The following RALGPS1 variants were observed in gnomAD, a reference collection of about 807,000 sequenced individuals.
RALGPS1 encodes ras-specific guanine nucleotide-releasing factor RalGPS1.
RALGPS1 carries 19 observed loss-of-function variants against 78.8 expected under a neutral mutation model. The observed-to-expected ratio is 0.24, with a 90% CI of 0.17 to 0.35. RALGPS1 has a LOEUF of 0.35. Among genes scored for constraint, RALGPS1 ranks in the 10% least tolerant of loss-of-function variants. RALGPS1 has a pLI of 1.00. For missense variants in RALGPS1, 454 were observed against 688.3 expected, an observed-to-expected ratio of 0.66 and a Z score of 3.81; for synonymous variants, 228 against 256.3, an observed-to-expected ratio of 0.89 and a Z score of 1.06.
chr9:127,005,282 A>G (rs2043730681), intron 4 of RALGPS1, among the ~76,000 whole-genome samples: 1 of 152,210 alleles, frequency 6.6e-6, no homozygotes, highest in Non-Finnish European at 1.5e-5. Context: ...TATACTGCAA[A>G]CCCTCTGAGA....
At chr9:127,050,606 G>C (rs1482211298) in intron 6 of RALGPS1, among the ~76,000 whole-genome samples, 1 of 152,150 alleles carries the variant, frequency 6.6e-6, no homozygotes, top group African/African-American at 2.4e-5. Flanking sequence ...GTCTGGGCCA[G>C]ATGACTCTGC....
At chr9:127,106,062 G>C (rs2054188369) in intron 8 of RALGPS1, among the ~76,000 whole-genome samples, 1 of 152,202 alleles carries the variant, frequency 6.6e-6, no homozygotes, top group Non-Finnish European at 1.5e-5. Context: ...GTAGAGCATG[G>C]ATGCAAACCC....
intron 5 of RALGPS1, among the ~76,000 whole-genome samples, chr9:127,039,847 C>G (rs987742364): frequency 6.6e-6 from 1 of 152,052 alleles, no homozygotes; most frequent in Non-Finnish European, 1.5e-5. Context: ...AAAGCTGCTA[C>G]ACAGGAAAGG....
chr9:126,930,594 C>G (rs940006616), intron 1 of RALGPS1, among the ~76,000 whole-genome samples: 11 of 152,062 alleles, frequency 7.2e-5, no homozygotes, highest in African/African-American at 2.7e-4. Context: ...AGGCCTGTGC[C>G]ACCATACCCA....
intron 8 of RALGPS1, among the ~76,000 whole-genome samples, chr9:127,126,585 C>T (rs2056632792): frequency 6.6e-6 from 1 of 152,200 alleles, no homozygotes; most frequent in Admixed American, 6.5e-5. Context: ...ATCACTTCTC[C>T]TTCCTGTCTT....
intron 8 of RALGPS1, among the ~76,000 whole-genome samples, chr9:127,072,320 C>T (rs1338522038): frequency 6.6e-6 from 1 of 152,140 alleles, no homozygotes; most frequent in Non-Finnish European, 1.5e-5. Context: ...TGAAGTGATC[C>T]TCCCGCCTCA....
In RALGPS1 at chr9:127,205,782, G is replaced by A. The variant is rs2061899369; in HGVS notation, c.1248-6349G>A. On this transcript the variant is annotated intron_variant, in intron 14 of 18. Coordinates refer to ENST00000259351, the MANE Select transcript of RALGPS1 (RefSeq NM_014636.3). This position sits in a 1 kb window ranked among gnomAD's most constrained non-coding sequence, Gnocchi z 4.0. Reference sequence around the variant, plus strand: ...CTTGGGATGCCTCCCAGGTTTACATGTGATAGTTTCGCCCAGCCACTGAGC... The same window carrying A: ...CTTGGGATGCCTCCCAGGTTTACATATGATAGTTTCGCCCAGCCACTGAGC... 1.3e-5 allele frequency among the ~76,000 whole-genome samples: 2 copies of A among 152,224 alleles called. No individual in the cohort carries two copies. Among genetic ancestry groups the A allele is most frequent in the South Asian group, 4.1e-4 (2 of 4,836 alleles).
At chr9:127,053,536 G>A (rs1426930554) in intron 7 of RALGPS1, among the ~76,000 whole-genome samples, 1 of 152,134 alleles carries the variant, frequency 6.6e-6, no homozygotes, top group African/African-American at 2.4e-5. Flanking sequence ...TGACATGGGG[G>A]AAGTAATTGC....
intron 8 of RALGPS1, among the ~76,000 whole-genome samples, chr9:127,084,776 C>G (rs1252121330): frequency 1.3e-5 from 2 of 152,184 alleles, no homozygotes; most frequent in Non-Finnish European, 2.9e-5. Flanking sequence ...GGGGCCATGC[C>G]CTTTGCAGGG....
intron 1 of RALGPS1, among the ~76,000 whole-genome samples, chr9:126,954,538 G>A (rs1040063154): frequency 1.3e-5 from 2 of 152,190 alleles, no homozygotes; most frequent in African/African-American, 2.4e-5. Context: ...TGTAATCCCA[G>A]CACTTTGGGA....
Position 127,089,029 on chromosome 9 carries a change from G to A in RALGPS1, c.610+19673G>A, listed in dbSNP as rs555497244. The stretch of plus-strand genomic sequence containing the variant: ...CTCGGAACTCAGCCCAGTAGACTCC[G>A]TCCTGGTAGCGGCTCCGGTAATGGC... On this transcript the variant is annotated intron_variant, in intron 8 of 18. Transcript: ENST00000259351. 3.9e-5 allele frequency: 63 copies of A among 1,614,202 alleles called. No homozygotes were observed. In the East Asian group the frequency reaches 6.5e-4, roughly 17 times the overall value.
At chr9:126,960,189 TCCC>T (rs2038750603) in intron 1 of RALGPS1, among the ~76,000 whole-genome samples, 2 of 25,876 alleles carry the variant, frequency 7.7e-5, no homozygotes, top group African/African-American at 1.7e-4. Flanking sequence ...CCTCCCTCCC[TCCC>T]TTCCTTCCCT....
chr9:127,000,534 CTTTTTTTTTTTTTTTTTT>C (rs1163116649), intron 4 of RALGPS1, among the ~76,000 whole-genome samples: 11 of 33,308 alleles, frequency 3.3e-4, no homozygotes, highest in African/African-American at 7.5e-4. Flanking sequence ...CTTGTCTTGT[CTTTTTTTTTTTTTTTTTT>C]TTTTTTTTTT....
chr9:126,920,381 C>G (rs1450365936), intron 1 of RALGPS1, among the ~76,000 whole-genome samples: 1 of 152,092 alleles, frequency 6.6e-6, no homozygotes, highest in Non-Finnish European at 1.5e-5. Flanking sequence ...CCTAAAAAAT[C>G]TTAGGGATGG....
chr9:126,963,010 C>T (rs141403398), intron 2 of RALGPS1, among the ~76,000 whole-genome samples: 1 of 152,326 alleles, frequency 6.6e-6, no homozygotes, highest in East Asian at 1.9e-4. Flanking sequence ...GCCAAAAAGT[C>T]ACAGGAATCA....
At position 127,212,061 on chromosome 9, in the gene RALGPS1, C is replaced by A; in HGVS notation, c.1248-70C>A. ...GACTTGGTAGTGGGGCACCTGTGGT[C>A]CCCAGTGAGTGAGAGGGTGCTTGAC... On this transcript the variant is annotated intron_variant, in intron 14 of 18. Transcript: ENST00000259351. The surrounding 1 kb of genome is among the most constrained non-coding windows in gnomAD (Gnocchi z 6.0). 8.1e-7 allele frequency: 1 copy of A among 1,240,794 alleles called. No individual in the cohort carries two copies. Among genetic ancestry groups the A allele is most frequent in the Non-Finnish European group, 1.1e-6 (1 of 882,042 alleles). The allele number at this position is 1,240,794 out of a possible 1,614,324, so 76.9% of individuals were successfully genotyped here. A position where few individuals can be genotyped will look rare whatever the true frequency, so the allele number is the denominator to read the frequency against.
chr9:127,143,856 T>C (rs533752554), intron 8 of RALGPS1, among the ~76,000 whole-genome samples: 2 of 152,352 alleles, frequency 1.3e-5, no homozygotes, highest in African/African-American at 4.8e-5. Flanking sequence ...GGTCTCCATA[T>C]AGGGGCAGGA....
chr9:126,948,266 A>G (rs2037471849), intron 1 of RALGPS1, among the ~76,000 whole-genome samples: 1 of 152,224 alleles, frequency 6.6e-6, no homozygotes, highest in African/African-American at 2.4e-5. Context: ...CTGTAATCCC[A>G]ACACTTTGGG....
intron 3 of RALGPS1, among the ~76,000 whole-genome samples, chr9:126,972,838 C>T (rs1435961932): frequency 1.3e-5 from 2 of 151,912 alleles, no homozygotes; most frequent in Non-Finnish European, 2.9e-5. Context: ...CTGAGGTGGG[C>T]GGATCACAAG....
Sources: allele counts gnomAD v4.1 joint callset (sites outside exome capture counted in the v4.1 genomes callset), GRCh38; gene constraint gnomAD v4.1.1; non-coding constraint Gnocchi (gnomAD v3.1); transcripts MANE v1.5; gene names NCBI Gene and HGNC (gene_info 2026-07-23, HGNC 2026-07-21).